HOXD13: variants seen among roughly 807,000 people sequenced by gnomAD.
The protein encoded by HOXD13 is homeobox D13.
Under a neutral mutation model 27.3 loss-of-function variants are expected in HOXD13, and 16 were observed. That is an observed-to-expected ratio of 0.59 (90% CI 0.40 to 0.89). The LOEUF (loss-of-function observed/expected upper bound fraction) is 0.89, where lower values mean the gene tolerates loss of function less well. HOXD13 is among the 40% of genes least tolerant of loss of function. HOXD13 has a pLI of 0.00. For missense variants in HOXD13, 481 were observed against 482.6 expected (o/e 1.00, Z 0.03); for synonymous variants, 241 against 219.0 (o/e 1.10, Z -0.89).
Position 176,093,584 on chromosome 2 carries a change from T to C in HOXD13, c.694T>C (p.Trp232Arg). The C allele has an allele frequency of 6.2e-7, 1 of 1,613,878 alleles. No individual in the cohort carries two copies. The change falls in exon 1 of 2, where the codon TGG (tryptophan) becomes CGG (arginine). Residue 232 changes from tryptophan (W) to arginine (R), a missense_variant. Transcript: ENST00000392539. ...AYISMEGYQS[W>R]TLANGWNSQV... is the part of the protein sequence containing the mutation. ...CATCTCCATGGAGGGGTACCAGTCC[T>C]GGACGCTGGCTAACGGGTGGAACAG...
upstream of HOXD13, among the ~76,000 whole-genome samples, chr2:176,092,365 G>C (rs1020418307): frequency 5.9e-5 from 9 of 152,096 alleles, no homozygotes; most frequent in Non-Finnish European, 1.2e-4. Flanking sequence ...AGCGGTTGCC[G>C]AGACAAGGCG....
chr2:176,093,109 C>A lies in HOXD13; in HGVS notation c.219C>A (p.Gly73=), dbSNP rs1240981269. ...CGGCGGCGGCGGCGGCAGCCTCCGG[C>A]TTTGCGTACCCCGGGACCTCTGAGC... ...AAAAAAAAAS[G]FAYPGTSERT... Residue 73 remains glycine, a synonymous_variant, in exon 1 of 2, where the codon GGC becomes GGA. Transcript: ENST00000392539. 6.4e-7 allele frequency: 1 copy of A among 1,561,336 alleles called. No homozygotes were observed.
upstream of HOXD13, among the ~76,000 whole-genome samples, chr2:176,091,447 T>C (rs76802048): frequency 4.6e-5 from 7 of 152,192 alleles, no homozygotes; most frequent in African/African-American, 1.7e-4. Context: ...TGGTGCCCCA[T>C]TAGTTGCTGA....
In HOXD13 at chr2:176,094,837, G is replaced by T; in HGVS notation, c.*107G>T. On this transcript the variant is annotated 3_prime_UTR_variant, in exon 2 of 2. Coordinates refer to ENST00000392539, the MANE Select transcript of HOXD13 (RefSeq NM_000523.4). ...TAATTCCCCCCACCCCCTGCCAATGGTGGCAAATTTTGTGAATTGTTTTTC... is the reference window on the plus strand; with the variant it reads ...TAATTCCCCCCACCCCCTGCCAATGTTGGCAAATTTTGTGAATTGTTTTTC... The T allele has an allele frequency of 1.0e-6, 1 of 1,003,036 alleles. No homozygotes were observed. Among genetic ancestry groups the T allele is most frequent in the Non-Finnish European group, 1.6e-6 (1 of 641,284 alleles). The allele number at this position is 1,003,036 out of a possible 1,614,324, so 62.1% of individuals were successfully genotyped here.
At position 176,093,553 on chromosome 2, in the gene HOXD13, G is replaced by A. The variant is rs1689364020; in HGVS notation, c.663G>A (p.Glu221=). 4 of 1,613,928 alleles carry A rather than the reference G, an allele frequency of 2.5e-6. No homozygotes were observed. The highest frequency in any genetic ancestry group is 3.4e-6 in the Non-Finnish European group (4 of 1,179,978). The change falls in exon 1 of 2, where the codon GAG becomes GAA. Residue 221 remains glutamate, a synonymous_variant. Coordinates refer to ENST00000392539, the MANE Select transcript of HOXD13 (RefSeq NM_000523.4). ...TCGGCTCCGGGGAGCCTCGGCACGA[G>A]GCCTACATCTCCATGGAGGGGTACC... ...STFGSGEPRH[E]AYISMEGYQS...
chr2:176,091,733 G>T (rs1455548096), upstream of HOXD13, among the ~76,000 whole-genome samples: 1 of 152,160 alleles, frequency 6.6e-6, no homozygotes, highest in African/African-American at 2.4e-5. Context: ...GCGAAACAAA[G>T]GTCCCTGGGA....
intron 1 of HOXD13, among the ~76,000 whole-genome samples, 156 bp from the exon 2 acceptor site, chr2:176,094,324 T>G (rs1309397780): frequency 6.6e-6 from 1 of 152,128 alleles, no homozygotes; most frequent in Non-Finnish European, 1.5e-5. Context: ...GTTATGTCTA[T>G]GTACATAATA....
rs532776884 is a variant in HOXD13, at chr2:176,093,921, G to A, written c.781+250G>A. ...GCAGACACGTTTTTCTCCTAAAGTT[G>A]AGAGTCTCTGCGTGCCCTTTCCTTG... On this transcript the variant is annotated intron_variant, in intron 1 of 1. Coordinates refer to ENST00000392539, the MANE Select transcript of HOXD13 (RefSeq NM_000523.4). 1.0e-3 allele frequency among the ~76,000 whole-genome samples: 156 copies of A among 152,282 alleles called. 1 individual carries two copies. In the South Asian group the frequency reaches 0.02, roughly 19 times the overall value.
chr2:176,093,744 A>T, intron 1 of HOXD13, 73 bp downstream of exon 1: 1 of 1,005,694 alleles, frequency 9.9e-7, no homozygotes, highest in South Asian at 1.6e-5. Flanking sequence ...GACTAAGAGT[A>T]TGCGCCCCTA....
Position 176,092,990 on chromosome 2 carries a change from G to A in HOXD13, c.100G>A (p.Ala34Thr), listed in dbSNP as rs1196079456. The A allele has an allele frequency of 3.7e-6, 5 of 1,353,110 alleles. No homozygotes were observed. The African/African-American group carries it at 6.1e-5, about 17-fold the overall frequency. The allele number at this position is 1,353,110 out of a possible 1,614,324, so 83.8% of individuals were successfully genotyped here. A position where few individuals can be genotyped will look rare whatever the true frequency, so the allele number is the denominator to read the frequency against. ...TTCCTCCTCCTCATCGGTGGCGGCG[G>A]CGGCGGCGTCAGGCCAGTGCCGCGG... ...ASSSSSSVAA[A>T]AASGQCRGFL... Residue 34 changes from alanine (A) to threonine (T), a missense_variant, in exon 1 of 2, where the codon GCG becomes ACG. By Grantham distance (58) the Ala-to-Thr change is moderately conservative. Coordinates refer to ENST00000392539, the MANE Select transcript of HOXD13 (RefSeq NM_000523.4).
In HOXD13 at chr2:176,093,567, T is replaced by C. The variant is rs1211490634; in HGVS notation, c.677T>C (p.Met226Thr). The change falls in exon 1 of 2, where the codon ATG (methionine) becomes ACG (threonine). Residue 226 changes from methionine to threonine, a missense_variant. Met to Thr is a moderately conservative substitution (Grantham distance 81). Coordinates refer to ENST00000392539, the MANE Select transcript of HOXD13 (RefSeq NM_000523.4). ...CCTCGGCACGAGGCCTACATCTCCA[T>C]GGAGGGGTACCAGTCCTGGACGCTG... The part of the protein sequence containing the change: ...GEPRHEAYIS[M>T]EGYQSWTLAN... The C allele has an allele frequency of 1.9e-6, 3 of 1,613,716 alleles. No individual in the cohort carries two copies. Among genetic ancestry groups the C allele is most frequent in the East Asian group, 4.5e-5 (2 of 44,870 alleles).
In HOXD13 at chr2:176,094,896, C is replaced by T. The variant is rs188371903; in HGVS notation, c.*166C>T. On this transcript the variant is annotated 3_prime_UTR_variant, in exon 2 of 2. Transcript: ENST00000392539. Reference sequence around the variant, plus strand: ...CCTTATCTGGCTCTAAAACCTTCTGCTGCCCAACCTGACTTTGTAGTTCTG... The same window carrying T: ...CCTTATCTGGCTCTAAAACCTTCTGTTGCCCAACCTGACTTTGTAGTTCTG... 4 of 625,630 alleles carry T rather than the reference C, an allele frequency of 6.4e-6. No homozygotes were observed. The Admixed American group carries it at 1.1e-4, about 17-fold the overall frequency. 38.8% of individuals were successfully genotyped at this position (625,630 alleles called of 1,614,324 possible). A position where few individuals can be genotyped will look rare whatever the true frequency, so the allele number is the denominator to read the frequency against.
chr2:176,090,726 CTCTG>C (rs757906329), upstream of HOXD13, among the ~76,000 whole-genome samples: 18 of 152,122 alleles, frequency 1.2e-4, no homozygotes, highest in East Asian at 3.8e-4. Flanking sequence ...TTCATGTTTT[CTCTG>C]TCTGAGGAAG....
chr2:176,093,434 G>A lies in HOXD13; in HGVS notation c.544G>A (p.Glu182Lys), dbSNP rs773282226. The A allele has an allele frequency of 5.6e-6, 9 of 1,613,846 alleles. No homozygotes were observed. Among genetic ancestry groups the A allele is most frequent in the Non-Finnish European group, 7.6e-6 (9 of 1,180,036 alleles). ...GGCGAGCAGCAGCGTACCGGCCAAC[G>A]AGGTGCCAGCGCGAGCCAAGGAGGT... ...GLASSSVPANEVPARAKEVSF... is the reference protein window; with the variant it reads ...GLASSSVPANKVPARAKEVSF... Residue 182 changes from glutamate to lysine, a missense_variant, in exon 1 of 2, where the codon GAG (glutamate) becomes AAG (lysine). Physicochemically the swap from Glu to Lys is moderately conservative, Grantham distance 56. Coordinates refer to ENST00000392539, the MANE Select transcript of HOXD13 (RefSeq NM_000523.4).
rs753157172 is a variant in HOXD13 at position 176,093,455 on chromosome 2, G to A, written c.565G>A (p.Glu189Lys). Residue 189 changes from glutamate to lysine, a missense_variant, in exon 1 of 2, where the codon GAG (glutamate) becomes AAG (lysine). By Grantham distance (56) the Glu-to-Lys change is moderately conservative. Transcript: ENST00000392539. ...CAACGAGGTGCCAGCGCGAGCCAAG[G>A]AGGTATCCTTCTACCAGGGCTATAC... ...PANEVPARAK[E>K]VSFYQGYTSP... 1 of 1,614,082 alleles carries A rather than the reference G, an allele frequency of 6.2e-7. No individual in the cohort carries two copies. The highest frequency in any genetic ancestry group is 1.1e-5 in the South Asian group (1 of 91,086).
In HOXD13 at chr2:176,093,051, C is replaced by A. The variant is rs1283268448; in HGVS notation, c.161C>A (p.Ser54Ter). 1 of 1,376,980 alleles carries A rather than the reference C, an allele frequency of 7.3e-7. No individual in the cohort carries two copies. Among genetic ancestry groups the A allele is most frequent in the Middle Eastern group, 2.0e-4 (1 of 5,118 alleles). The allele number at this position is 1,376,980 out of a possible 1,614,324, so 85.3% of individuals were successfully genotyped here. The change falls in exon 1 of 2, where the codon TCG (serine) becomes TAG (stop). Residue 54 changes from serine (S) to a stop codon, truncating the protein, a stop_gained. Transcript: ENST00000392539. LOFTEE classifies it high-confidence loss of function. Reference protein sequence around the residue: ...LSAPVFAGTHSGRAAAAAAAA... With the variant: ...LSAPVFAGTH Reference sequence around the variant, plus strand: ...GCGCCTGTGTTCGCCGGGACGCATTCGGGGCGGGCGGCGGCGGCGGCAGCG... The same window carrying A: ...GCGCCTGTGTTCGCCGGGACGCATTAGGGGCGGGCGGCGGCGGCGGCAGCG...
At position 176,093,266 on chromosome 2, in the gene HOXD13, G is replaced by T. The variant is rs1689355325; in HGVS notation, c.376G>T (p.Gly126Cys). 1 of 1,610,916 alleles carries T rather than the reference G, an allele frequency of 6.2e-7. No individual in the cohort carries two copies. Among genetic ancestry groups the T allele is most frequent in the Non-Finnish European group, 8.5e-7 (1 of 1,179,500 alleles). The change falls in exon 1 of 2, where the codon GGC (glycine) becomes TGC (cysteine). Residue 126 changes from glycine (G) to cysteine (C), a missense_variant. Gly to Cys is a radical substitution (Grantham distance 159). Coordinates refer to ENST00000392539, the MANE Select transcript of HOXD13 (RefSeq NM_000523.4). Reference sequence around the variant, plus strand: ...AGCGCCCCCGAGCGCTCCAGCGCTGGGCTACGGCTACCACTTCGGCAACGG... The same window carrying T: ...AGCGCCCCCGAGCGCTCCAGCGCTGTGCTACGGCTACCACTTCGGCAACGG... ...AAAPPSAPALGYGYHFGNGYY... is the reference protein window; with the variant it reads ...AAAPPSAPALCYGYHFGNGYY...
chr2:176,091,739 T>C (rs1689322302), upstream of HOXD13, among the ~76,000 whole-genome samples: 1 of 152,144 alleles, frequency 6.6e-6, no homozygotes, highest in African/African-American at 2.4e-5. Flanking sequence ...CAAAGGTCCC[T>C]GGGAAAGTGA....
rs889918612 is a variant in HOXD13, at chr2:176,092,852, GGGGCCA to G, written c.-27_-22del. 18 of 1,180,070 alleles carry G rather than the reference GGGGCCA, an allele frequency of 1.5e-5. No individual in the cohort carries two copies. The highest frequency in any genetic ancestry group is 1.4e-4 in the African/African-American group (9 of 62,612). The allele number at this position is 1,180,070 out of a possible 1,614,324, so 73.1% of individuals were successfully genotyped here. ...CGCGCCGCGCCATGGTGTCCTGCGCGGGGCCAGGGCCAGGGCCGGGGCCGGGCCAGG... is the reference window on the plus strand; with the variant it reads ...CGCGCCGCGCCATGGTGTCCTGCGCGGGGCCAGGGCCGGGGCCGGGCCAGG... On this transcript the variant is annotated 5_prime_UTR_variant, in exon 1 of 2. Coordinates refer to ENST00000392539, the MANE Select transcript of HOXD13 (RefSeq NM_000523.4).
Sources: gnomAD v4.1 joint callset for allele counts (sites outside exome capture counted in the v4.1 genomes callset) on GRCh38, gnomAD v4.1.1 for gene constraint, MANE v1.5 for transcripts, NCBI Gene and HGNC (gene_info 2026-07-23, HGNC 2026-07-21) for gene names.